The following LGSN variants were observed in gnomAD, a reference collection of about 807,000 sequenced individuals.
LGSN encodes the protein lengsin.
A neutral mutation model predicts 19.5 loss-of-function variants in LGSN; 21 were observed. The observed-to-expected ratio is 1.07, with a 90% confidence interval of 0.76 to 1.55. LGSN has a LOEUF of 1.55. LGSN is among the 40% of genes most tolerant of loss of function. The probability of loss-of-function intolerance (pLI) is 0.00; values close to 1 mark genes in which losing one functional copy is unlikely to be tolerated. For synonymous variants in LGSN, 257 were observed against 215.6 expected (o/e 1.19, Z -1.68); for missense variants, 673 against 608.5 (o/e 1.11, Z -1.12).
At chr6:63,394,344 A>C in the LGSN span, among the ~76,000 whole-genome samples, 3 of 152,234 alleles carry the variant, frequency 2.0e-5, no homozygotes, top group African/African-American at 7.2e-5. Context: ...GATGGAGATG[A>C]AAGTGACCTC....
At chr6:63,387,498 T>TTGAG in the LGSN span, among the ~76,000 whole-genome samples, 5 of 152,172 alleles carry the variant, frequency 3.3e-5, no homozygotes, top group Non-Finnish European at 7.3e-5. Flanking sequence ...TATCAGATAC[T>TTGAG]TGAGCCACTG....
At chr6:63,532,511 G>A in the LGSN span, among the ~76,000 whole-genome samples, 1 of 151,944 alleles carries the variant, frequency 6.6e-6, no homozygotes, top group African/African-American at 2.4e-5. Context: ...CTATACCAAG[G>A]CAGCTAGCTG....
chr6:63,510,406 G>A, the LGSN span, among the ~76,000 whole-genome samples: 3 of 147,880 alleles, frequency 2.0e-5, no homozygotes, highest in African/African-American at 7.5e-5. Flanking sequence ...ACTAACCCTT[G>A]TAAGTTCTAG....
the LGSN span, among the ~76,000 whole-genome samples, chr6:63,459,378 A>C: frequency 6.6e-6 from 1 of 152,180 alleles, no homozygotes; most frequent in Non-Finnish European, 1.5e-5. Flanking sequence ...GAAGTATATT[A>C]TAAATTAATT....
At chr6:63,530,362 A>G in the LGSN span, among the ~76,000 whole-genome samples, 3 of 152,210 alleles carry the variant, frequency 2.0e-5, no homozygotes, top group Admixed American at 2.0e-4. Context: ...TTAAATTTAT[A>G]TGATGGTACT....
At chr6:63,369,921 G>A in the LGSN span, among the ~76,000 whole-genome samples, 1 of 152,090 alleles carries the variant, frequency 6.6e-6, no homozygotes, top group Non-Finnish European at 1.5e-5. Flanking sequence ...AGAATTGCTT[G>A]AACTCAGGAG....
At chr6:63,412,990 A>T in the LGSN span, among the ~76,000 whole-genome samples, 1 of 152,258 alleles carries the variant, frequency 6.6e-6, no homozygotes, top group Non-Finnish European at 1.5e-5. Flanking sequence ...CAAGTTAGAA[A>T]GAAGAAATTG....
chr6:63,407,073 G>T, the LGSN span, among the ~76,000 whole-genome samples: 1 of 151,924 alleles, frequency 6.6e-6, no homozygotes, highest in Non-Finnish European at 1.5e-5. Flanking sequence ...GGACCAGATG[G>T]ATTCACAGCC....
the LGSN span, among the ~76,000 whole-genome samples, chr6:63,373,954 G>A: frequency 2.0e-5 from 3 of 152,104 alleles, no homozygotes; most frequent in Non-Finnish European, 4.4e-5. Flanking sequence ...AGGCCAGGGT[G>A]GGGTGGCGGG....
the LGSN span, among the ~76,000 whole-genome samples, chr6:63,425,990 T>C: frequency 6.6e-6 from 1 of 152,174 alleles, no homozygotes; most frequent in Non-Finnish European, 1.5e-5. Flanking sequence ...CTCTGTATTA[T>C]TCCTTACAAC....
At chr6:63,475,314 C>CAAAAA in the LGSN span, among the ~76,000 whole-genome samples, 2 of 99,264 alleles carry the variant, frequency 2.0e-5, no homozygotes, top group Admixed American at 1.2e-4. Flanking sequence ...ATAGATCTGC[C>CAAAAA]AAAAAAAAAA....
At chr6:63,425,053 C>T in the LGSN span, among the ~76,000 whole-genome samples, 17 of 152,122 alleles carry the variant, frequency 1.1e-4, no homozygotes, top group African/African-American at 3.1e-4. Flanking sequence ...CAGGGAATTA[C>T]GGATTAAAGC....
chr6:63,294,604 G>A (rs1044417966), intron 2 of LGSN, among the ~76,000 whole-genome samples: 37 of 151,080 alleles, frequency 2.4e-4, no homozygotes, highest in African/African-American at 8.0e-4. Context: ...AATGATTTTT[G>A]TATTCATTTT....
the LGSN span, among the ~76,000 whole-genome samples, chr6:63,357,861 C>A: frequency 6.6e-6 from 1 of 152,056 alleles, no homozygotes; most frequent in Non-Finnish European, 1.5e-5. Flanking sequence ...TTAATTTTGG[C>A]TTTTGTTGCC....
At chr6:63,377,622 A>T in the LGSN span, among the ~76,000 whole-genome samples, 1 of 152,188 alleles carries the variant, frequency 6.6e-6, no homozygotes, top group South Asian at 2.1e-4. Context: ...GAAAAGAGTT[A>T]GACACTTGGG....
chr6:63,457,711 C>G, the LGSN span, among the ~76,000 whole-genome samples: 2 of 152,084 alleles, frequency 1.3e-5, no homozygotes, highest in East Asian at 3.9e-4. Context: ...AAGCCCGTCT[C>G]TCCTAAAAAT....
chr6:63,480,652 T>G, the LGSN span: 1 of 151,992 alleles, frequency 6.6e-6, no homozygotes, highest in African/African-American at 2.4e-5. Context: ...GATTTTGGCA[T>G]GGATGTGGTG....
At chr6:63,454,271 A>G in the LGSN span, among the ~76,000 whole-genome samples, 3 of 152,178 alleles carry the variant, frequency 2.0e-5, no homozygotes, top group Non-Finnish European at 4.4e-5. Flanking sequence ...GTTTAAATAC[A>G]GATTGAAACA....
At position 63,277,494 on chromosome 6, in the gene LGSN, T is replaced by TACAACACACAC. The variant is rs1431597964; in HGVS notation, c.*2516_*2526dup. On this transcript the variant is annotated 3_prime_UTR_variant, in exon 4 of 4. Coordinates refer to ENST00000370657, the MANE Select transcript of LGSN (RefSeq NM_016571.3). Reference sequence around the variant, plus strand: ...GCACACACTCACACACAAACACACATACAACACACACATGGAAAAGAGAAA... The same window carrying TACAACACACAC: ...GCACACACTCACACACAAACACACATACAACACACACACAACACACACATGGAAAAGAGAAA... The TACAACACACAC allele has an allele frequency of 1.3e-5, 2 of 151,974 alleles. No homozygotes were observed. Among genetic ancestry groups the TACAACACACAC allele is most frequent in the Non-Finnish European group, 2.9e-5 (2 of 67,990 alleles). 9.4% of individuals were successfully genotyped at this position (151,974 alleles called of 1,614,324 possible).
Sources: allele counts gnomAD v4.1 joint callset (sites outside exome capture counted in the v4.1 genomes callset), GRCh38; gene constraint gnomAD v4.1.1; transcripts MANE v1.5; gene names NCBI Gene and HGNC (gene_info 2026-07-23, HGNC 2026-07-21).